ABI3BP: variants seen among roughly 807,000 people sequenced by gnomAD.
ABI3BP encodes the protein ABI family member 3 binding protein.
ABI3BP carries 216 observed loss-of-function variants against 268.6 expected under a neutral mutation model. The ratio of observed to expected loss-of-function variants is 0.80; its 90% confidence interval spans 0.72 to 0.90. The LOEUF (loss-of-function observed/expected upper bound fraction) is 0.90. Among genes scored for constraint, ABI3BP ranks in the 40% least tolerant of loss-of-function variants. The pLI is 0.00. For missense variants in ABI3BP, 2,090 were observed against 2,182.4 expected (o/e 0.96, Z 0.84); for synonymous variants, 730 against 730.0 (o/e 1.00, Z 0.00).
rs751610395 is a variant in ABI3BP at position 100,775,287 on chromosome 3, G to A, written c.4382C>T (p.Pro1461Leu). ...PITTPPLRST[P>L]RPTGTPLERI... ...CTCCAAGGGAGTTCCAGTAGGCCTG[G>A]GTGTTGACCTCAGGGGTGGTGTAGT... The change falls in exon 60 of 68, where the codon CCC (proline) becomes CTC (leucine). Residue 1461 changes from proline to leucine, a missense_variant. By Grantham distance (98) the Pro-to-Leu change is moderately conservative (BLOSUM62 -3). Transcript: ENST00000471714. 1 of 1,609,608 alleles carries A rather than the reference G, an allele frequency of 6.2e-7. No homozygotes were observed. Among genetic ancestry groups the A allele is most frequent in the Non-Finnish European group, 8.5e-7 (1 of 1,177,796 alleles).
intron 1 of ABI3BP, among the ~76,000 whole-genome samples, chr3:100,983,164 T>C (rs1207294406): frequency 6.6e-6 from 1 of 152,194 alleles, no homozygotes. Flanking sequence ...GGCATCACCT[T>C]GTAAGCAAAG....
intron 31 of ABI3BP, 122 bp from the exon 32 acceptor site, chr3:100,830,756 T>G (rs2098476996): frequency 1.4e-6 from 1 of 733,642 alleles, no homozygotes; most frequent in African/African-American, 1.8e-5. Flanking sequence ...ATATCATAAC[T>G]CAAAAGAAAG....
At chr3:100,791,092 CAT>C (rs1018882981) in intron 55 of ABI3BP, among the ~76,000 whole-genome samples, 1 of 151,710 alleles carries the variant, frequency 6.6e-6, no homozygotes, top group Admixed American at 6.6e-5. Flanking sequence ...CAATTTTAAA[CAT>C]AGTACAAGAG....
chr3:100,963,379 C>G (rs1209533109), intron 1 of ABI3BP, among the ~76,000 whole-genome samples: 2 of 152,140 alleles, frequency 1.3e-5, no homozygotes, highest in African/African-American at 2.4e-5. Context: ...ATCTGATTGT[C>G]AAATCTGTAT....
rs757579586 is a variant in ABI3BP at position 100,851,874 on chromosome 3, C to T, written c.1351+1G>A. The T allele has an allele frequency of 1.9e-6, 3 of 1,590,940 alleles. No individual in the cohort carries two copies. The highest frequency in any genetic ancestry group is 2.3e-5 in the East Asian group (1 of 44,430). On this transcript the variant is annotated splice_donor_variant, in intron 15 of 67. Coordinates refer to ENST00000471714, the MANE Select transcript of ABI3BP (RefSeq NM_001375547.2). LOFTEE classifies it high-confidence loss of function. Reference sequence around the variant, plus strand: ...AGACAGAATTGAGAGGCCAGATATACCTGTGTAGGAATCTGATATCTCAGG... The same window carrying T: ...AGACAGAATTGAGAGGCCAGATATATCTGTGTAGGAATCTGATATCTCAGG...
chr3:100,911,681 C>A, intron 2 of ABI3BP: 1 of 750,676 alleles, frequency 1.3e-6, no homozygotes, highest in Non-Finnish European at 2.5e-6. Context: ...CAGAAATATC[C>A]AGATTGGCAA....
At chr3:100,886,779 A>G (rs1455682307) in intron 4 of ABI3BP, among the ~76,000 whole-genome samples, 2 of 151,618 alleles carry the variant, frequency 1.3e-5, no homozygotes, top group Non-Finnish European at 2.9e-5. Context: ...TCAATTTTGT[A>G]AAAAAAAGAA....
chr3:100,901,814 T>C (rs751290177), intron 3 of ABI3BP, among the ~76,000 whole-genome samples: 2 of 151,552 alleles, frequency 1.3e-5, no homozygotes, highest in African/African-American at 2.4e-5. Flanking sequence ...CAACTCTATA[T>C]AGAGTTAGGA....
intron 57 of ABI3BP, among the ~76,000 whole-genome samples, chr3:100,784,862 C>T (rs535921702): frequency 1.5e-4 from 23 of 151,990 alleles, no homozygotes; most frequent in South Asian, 2.1e-4. Flanking sequence ...AGTGATATAC[C>T]GAACTTTAGA....
chr3:100,935,686 C>T (rs1212000180), intron 1 of ABI3BP, among the ~76,000 whole-genome samples: 1 of 151,904 alleles, frequency 6.6e-6, no homozygotes, highest in Non-Finnish European at 1.5e-5. Context: ...CTTCAAGAGG[C>T]CCTTTGCATC....
rs757299280 is a variant in ABI3BP at position 100,821,110 on chromosome 3, G to C, written c.2891C>G (p.Pro964Arg). The C allele has an allele frequency of 1.5e-5, 23 of 1,535,564 alleles. No homozygotes were observed. The South Asian group carries it at 2.7e-4, about 18-fold the overall frequency. ...TGTAACAGGTTTGAGCTCCGCAGTA[G>C]GAACTGATCAAAAGCATTAAAATTA... is the stretch of plus-strand genomic sequence containing the variant. ...RPEAPESKPVPTAELKPVTLR... is the reference protein window; with the variant it reads ...RPEAPESKPVRTAELKPVTLR... Residue 964 changes from proline (P) to arginine (R), a missense_variant, in exon 39 of 68, where the codon CCT becomes CGT. By Grantham distance (103) the Pro-to-Arg change is moderately radical. Coordinates refer to ENST00000471714, the MANE Select transcript of ABI3BP (RefSeq NM_001375547.2).
intron 2 of ABI3BP, among the ~76,000 whole-genome samples, chr3:100,926,018 T>G (rs1377687756): frequency 6.6e-6 from 1 of 152,168 alleles, no homozygotes; most frequent in Non-Finnish European, 1.5e-5. Flanking sequence ...TAAAATATGT[T>G]ACAGAGACTT....
intron 6 of ABI3BP, among the ~76,000 whole-genome samples, chr3:100,880,182 G>A (rs1483197187): frequency 6.6e-6 from 1 of 152,150 alleles, no homozygotes; most frequent in Non-Finnish European, 1.5e-5. Flanking sequence ...ACAGTGTGGG[G>A]CCTGGAAATG....
At chr3:100,862,240 A>G in intron 14 of ABI3BP, 71 bp downstream of exon 14, 2 of 999,222 alleles carry the variant, frequency 2.0e-6, no homozygotes, top group Non-Finnish European at 3.0e-6. Flanking sequence ...CAATTAAGGA[A>G]CCTATAAAAA....
intron 48 of ABI3BP, among the ~76,000 whole-genome samples, chr3:100,810,913 CA>C (rs1553890913): frequency 6.6e-6 from 1 of 151,920 alleles, no homozygotes; most frequent in Non-Finnish European, 1.5e-5. Flanking sequence ...ATCATCGCAC[CA>C]AAAAAGCATT....
At chr3:100,775,619 C>G (rs1005463962) in intron 59 of ABI3BP, among the ~76,000 whole-genome samples, 2 of 151,754 alleles carry the variant, frequency 1.3e-5, no homozygotes, top group Admixed American at 1.3e-4. Flanking sequence ...GGAGGGTTGT[C>G]GGTTTGGAGT....
intron 1 of ABI3BP, among the ~76,000 whole-genome samples, chr3:100,982,463 T>C (rs1046017776): frequency 6.6e-6 from 1 of 151,878 alleles, no homozygotes; most frequent in East Asian, 1.9e-4. Flanking sequence ...AAAACCCTAA[T>C]GTTCAGAAAG....
intron 1 of ABI3BP, among the ~76,000 whole-genome samples, chr3:100,963,437 C>T (rs766454512): frequency 5.9e-5 from 9 of 152,120 alleles, no homozygotes; most frequent in Admixed American, 2.0e-4. Context: ...TTTTACTTAT[C>T]ACCACTAAAT....
Position 100,847,657 on chromosome 3 carries a change from G to C in ABI3BP, c.1593C>G (p.Ala531=). The C allele has an allele frequency of 1.2e-6, 2 of 1,613,438 alleles. No homozygotes were observed. The highest frequency in any genetic ancestry group is 1.7e-6 in the Non-Finnish European group (2 of 1,179,530). Residue 531 remains alanine, a synonymous_variant, in exon 19 of 68, where the codon GCC becomes GCG. Coordinates refer to ENST00000471714, the MANE Select transcript of ABI3BP (RefSeq NM_001375547.2). The part of the protein sequence containing the change: ...PRTKPERTTS[A]GTITPKISKS... The stretch of plus-strand genomic sequence containing the variant: ...TAGAAATTTTAGGTGTAATTGTTCC[G>C]GCACTTGTGGTTCTTTCTGGTGATG...
Sources: gnomAD v4.1 joint callset for allele counts (sites outside exome capture counted in the v4.1 genomes callset) on GRCh38, gnomAD v4.1.1 for gene constraint, MANE v1.5 for transcripts, NCBI Gene and HGNC (gene_info 2026-07-23, HGNC 2026-07-21) for gene names.